The following ZNF385D variants were observed in gnomAD, a reference collection of about 807,000 sequenced individuals.
ZNF385D encodes the protein zinc finger protein 385D.
A neutral mutation model predicts 35.8 loss-of-function variants in ZNF385D; 15 were observed. The ratio of observed to expected loss-of-function variants is 0.42; its 90% confidence interval spans 0.28 to 0.64. The LOEUF (loss-of-function observed/expected upper bound fraction) is 0.64. Ranked by LOEUF, ZNF385D falls within the 30% of genes least tolerant of loss-of-function variation. The pLI is 0.23. For missense variants in ZNF385D, 474 were observed against 494.6 expected (o/e 0.96, Z 0.39); for synonymous variants, 212 against 186.8 (o/e 1.13, Z -1.10).
chr3:22,345,663 T>C (rs997577546), intron 2 of ZNF385D, among the ~76,000 whole-genome samples: 1 of 152,186 alleles, frequency 6.6e-6, no homozygotes, highest in South Asian at 2.1e-4. Context: ...GGCTGTGTAA[T>C]GAGTGCTGAG....
intron 2 of ZNF385D, among the ~76,000 whole-genome samples, chr3:22,187,553 C>G (rs1426476154): frequency 6.6e-6 from 1 of 151,854 alleles, no homozygotes; most frequent in African/African-American, 2.4e-5. Context: ...CCATTTCATT[C>G]TTTTTGTAAG....
chr3:21,911,196 T>C lies in ZNF385D; in HGVS notation c.326-246168A>G, dbSNP rs73820188. 5.5e-3 allele frequency among the ~76,000 whole-genome samples: 832 copies of C among 152,108 alleles called. 5 individuals carry two copies. The highest frequency in any genetic ancestry group is 0.019 in the African/African-American group (776 of 41,552). On this transcript the variant is annotated intron_variant, in intron 3 of 5. Coordinates refer to the ZNF385D transcript ENST00000494108. ...GAAATACTTGGGTAATTACAAAACA[T>C]AGCACAAGTAATTGCTACCTTGAAA...
At chr3:22,057,170 G>A (rs754722005) in intron 3 of ZNF385D, among the ~76,000 whole-genome samples, 13 of 152,208 alleles carry the variant, frequency 8.5e-5, no homozygotes, top group Non-Finnish European at 1.6e-4. Flanking sequence ...CTGATTTAAA[G>A]TCTAGCTAAT....
intron 3 of ZNF385D, among the ~76,000 whole-genome samples, chr3:21,851,085 T>G (rs1198091451): frequency 6.9e-6 from 1 of 144,102 alleles, no homozygotes; most frequent in Non-Finnish European, 1.5e-5. Context: ...CTAATATTAT[T>G]ACCATGTTTA....
At chr3:21,949,515 T>A (rs1201605301) in intron 3 of ZNF385D, among the ~76,000 whole-genome samples, 1 of 148,984 alleles carries the variant, frequency 6.7e-6, no homozygotes, top group Non-Finnish European at 1.5e-5. Flanking sequence ...TCGGCCTTCA[T>A]CTCCATGCCC....
intron 3 of ZNF385D, among the ~76,000 whole-genome samples, chr3:21,945,750 G>A (rs147546520): frequency 1.8e-4 from 28 of 152,132 alleles, no homozygotes; most frequent in Admixed American, 5.9e-4. Flanking sequence ...CCTACATTGT[G>A]GAATTACCTA....
rs564840478 is a variant in ZNF385D at position 21,743,142 on chromosome 3, G to A, written c.22+7753C>T. Reference sequence around the variant, plus strand: ...ACTACTGAATGGAAGAGATACAACTGTAAAGTAGGCCATTTTTCCTACTTA... The same window carrying A: ...ACTACTGAATGGAAGAGATACAACTATAAAGTAGGCCATTTTTCCTACTTA... On this transcript the variant is annotated intron_variant, in intron 1 of 7. Coordinates refer to ENST00000281523, the MANE Select transcript of ZNF385D (RefSeq NM_024697.3). 6.0e-4 allele frequency among the ~76,000 whole-genome samples: 92 copies of A among 152,312 alleles called. No individual in the cohort carries two copies. The South Asian group carries it at 0.018, about 31-fold the overall frequency.
intron 3 of ZNF385D, among the ~76,000 whole-genome samples, chr3:22,105,151 A>G (rs2125632566): frequency 6.6e-6 from 1 of 152,272 alleles, no homozygotes; most frequent in East Asian, 1.9e-4. Flanking sequence ...ACATGTGGCA[A>G]GGCTATGGGA....
At position 21,419,466 on chromosome 3, in the gene ZNF385D, T is replaced by C. The variant is rs1296837152; in HGVS notation, c.*1748A>G. The C allele has an allele frequency of 1.3e-5, 2 of 152,140 alleles. No homozygotes were observed. Among genetic ancestry groups the C allele is most frequent in the African/African-American group, 4.8e-5 (2 of 41,432 alleles). The allele number at this position is 152,140 out of a possible 1,614,324, so 9.4% of individuals were successfully genotyped here. A position where few individuals can be genotyped will look rare whatever the true frequency, so the allele number is the denominator to read the frequency against. ...GTTTCCTCTTGATTCTTTATACCTC[T>C]CCAAGGGTTACAACACTTTGAGAGC... On this transcript the variant is annotated 3_prime_UTR_variant, in exon 8 of 8. Coordinates refer to ENST00000281523, the MANE Select transcript of ZNF385D (RefSeq NM_024697.3).
intron 2 of ZNF385D, among the ~76,000 whole-genome samples, chr3:22,207,537 T>C (rs115459360): frequency 0.011 from 1,670 of 151,998 alleles, 24 homozygotes; most frequent in African/African-American, 0.038. Flanking sequence ...TGGGCAAAGA[T>C]TTCTTGAATA....
At chr3:22,122,301 G>T (rs937358158) in intron 3 of ZNF385D, among the ~76,000 whole-genome samples, 7 of 151,844 alleles carry the variant, frequency 4.6e-5, no homozygotes, top group Non-Finnish European at 7.4e-5. Flanking sequence ...GTCATCAAAG[G>T]GTTTCCATTT....
At chr3:22,256,352 C>G (rs1025912415) in intron 2 of ZNF385D, among the ~76,000 whole-genome samples, 7 of 151,418 alleles carry the variant, frequency 4.6e-5, no homozygotes, top group African/African-American at 1.7e-4. Flanking sequence ...ATTATGACTA[C>G]TTTTTATGCT....
chr3:22,188,454 ATTTTT>A (rs67521159), intron 2 of ZNF385D, among the ~76,000 whole-genome samples: 1 of 147,730 alleles, frequency 6.8e-6, no homozygotes, highest in Non-Finnish European at 1.5e-5. Flanking sequence ...TGTGTATACT[ATTTTT>A]TTTTTTTTGA....
At chr3:22,149,460 G>C (rs980245381) in intron 3 of ZNF385D, among the ~76,000 whole-genome samples, 1 of 152,144 alleles carries the variant, frequency 6.6e-6, no homozygotes, top group African/African-American at 2.4e-5. Context: ...GCATGCAACA[G>C]AATCGCCCAA....
chr3:22,064,738 G>A (rs1366296304), intron 3 of ZNF385D, among the ~76,000 whole-genome samples: 2 of 152,124 alleles, frequency 1.3e-5, no homozygotes, highest in African/African-American at 4.8e-5. Flanking sequence ...CTGAAAAAGT[G>A]GAAGTCATTA....
At chr3:21,434,386 A>C (rs1345194722) in intron 5 of ZNF385D, among the ~76,000 whole-genome samples, 1 of 152,164 alleles carries the variant, frequency 6.6e-6, no homozygotes, top group African/African-American at 2.4e-5. Context: ...TGAATCCTAC[A>C]TCTGTGGCTA....
chr3:21,984,134 T>C (rs1347967659), intron 3 of ZNF385D, among the ~76,000 whole-genome samples: 1 of 138,678 alleles, frequency 7.2e-6, no homozygotes, highest in Non-Finnish European at 1.5e-5. Context: ...ACTCTGATGG[T>C]AGTTTCTTTT....
chr3:22,104,121 A>G (rs1702082748), intron 3 of ZNF385D, among the ~76,000 whole-genome samples: 1 of 152,064 alleles, frequency 6.6e-6, no homozygotes, highest in South Asian at 2.1e-4. Flanking sequence ...TGTATTATTC[A>G]AGTTGGAGAC....
intron 2 of ZNF385D, among the ~76,000 whole-genome samples, chr3:21,603,082 A>G (rs2064363822): frequency 6.6e-6 from 1 of 152,230 alleles, no homozygotes; most frequent in Admixed American, 6.5e-5. Flanking sequence ...CTTAAATTTC[A>G]TCAAGTTTAT....
Sources: gnomAD v4.1 joint callset for allele counts (sites outside exome capture counted in the v4.1 genomes callset) on GRCh38, gnomAD v4.1.1 for gene constraint, MANE v1.5 for transcripts, NCBI Gene and HGNC (gene_info 2026-07-23, HGNC 2026-07-21) for gene names.